Variants in NRCAM observed in about 807,000 individuals in gnomAD.
NRCAM encodes NgCAM-related cell adhesion molecule.
A neutral mutation model predicts 156.5 loss-of-function variants in NRCAM; 83 were observed. The observed-to-expected ratio is 0.53, with a 90% confidence interval of 0.44 to 0.64. NRCAM has a LOEUF of 0.64. NRCAM is among the 30% of genes least tolerant of loss of function. The pLI is 0.00. For missense variants in NRCAM, 1,417 were observed against 1,597.3 expected (o/e 0.89, Z 1.92); for synonymous variants, 538 against 563.9 (o/e 0.95, Z 0.65).
intron 2 of NRCAM, among the ~76,000 whole-genome samples, chr7:108,325,174 T>G (rs888133503): frequency 6.6e-6 from 1 of 152,098 alleles, no homozygotes; most frequent in Non-Finnish European, 1.5e-5. Context: ...CTTGGCAACT[T>G]CAGAACCAAT....
chr7:108,234,617 T>C lies in NRCAM; in HGVS notation c.196A>G (p.Ile66Val). ...GGTTTCCCTTTGGCTTCACACTGGATTACAATATTCTCCCGAGGGTCAATA... is the reference window on the plus strand; with the variant it reads ...GGTTTCCCTTTGGCTTCACACTGGACTACAATATTCTCCCGAGGGTCAATA... ...YIIDPRENIV[I>V]QCEAKGKPPP... Residue 66 changes from isoleucine to valine, a missense_variant, in exon 6 of 33, where the codon ATC becomes GTC. Physicochemically the swap from Ile to Val is conservative, Grantham distance 29. Transcript: ENST00000379028. 1 of 1,613,136 alleles carries C rather than the reference T, an allele frequency of 6.2e-7. No homozygotes were observed. Among genetic ancestry groups the C allele is most frequent in the Non-Finnish European group, 8.5e-7 (1 of 1,179,318 alleles).
chr7:108,435,122 G>T (rs10269351), intron 1 of NRCAM, among the ~76,000 whole-genome samples: 32,599 of 151,840 alleles, frequency 0.21, 3,920 homozygotes, highest in East Asian at 0.37. Context: ...TTATAAATAT[G>T]TTCCGAAACT....
intron 25 of NRCAM, 150 bp downstream of exon 25, chr7:108,180,073 G>C (rs1198215929): frequency 9.2e-6 from 6 of 653,912 alleles, no homozygotes; most frequent in Non-Finnish European, 1.6e-5. Context: ...CTGACATTTT[G>C]GTAGCTTTGT....
At chr7:108,168,637 T>C (rs1027693339) in intron 28 of NRCAM, among the ~76,000 whole-genome samples, 1 of 152,092 alleles carries the variant, frequency 6.6e-6, no homozygotes, top group Admixed American at 6.6e-5. Flanking sequence ...AATTTGTGAG[T>C]TCTATTATAT....
chr7:108,259,615 C>T (rs925167940), intron 3 of NRCAM, among the ~76,000 whole-genome samples: 16 of 152,018 alleles, frequency 1.1e-4, no homozygotes, highest in African/African-American at 3.1e-4. Context: ...AGTGATAGAT[C>T]GGATAAAGAA....
rs747947591 is a variant in NRCAM, at chr7:108,168,375, T to C, written c.3215A>G (p.Asn1072Ser). The change falls in exon 29 of 33, where the codon AAT (asparagine) becomes AGT (serine). Residue 1072 changes from asparagine to serine, a missense_variant. Asn to Ser is a conservative substitution (Grantham distance 46). This residue lies in a region of NRCAM where 1,238 missense variants were observed against 1,336.4 expected (regional missense o/e 0.93). Coordinates refer to ENST00000379028, the MANE Select transcript of NRCAM (RefSeq NM_001037132.4). ...GGTCTCAGCAGCTGCAGCAGTAAGA[T>C]TGCTGATCCTGGGATTTACTGCTTG... ...KVQAVNPRISNLTAAAAETYA... is the reference protein window; with the variant it reads ...KVQAVNPRISSLTAAAAETYA... 5.0e-6 allele frequency: 8 copies of C among 1,606,166 alleles called. No individual in the cohort carries two copies. Among genetic ancestry groups the C allele is most frequent in the African/African-American group, 1.3e-5 (1 of 74,658 alleles).
chr7:108,160,295 A>C, intron 31 of NRCAM, 66 bp downstream of exon 31: 1 of 1,453,488 alleles, frequency 6.9e-7, no homozygotes, highest in Middle Eastern at 1.8e-4. Context: ...GATTTCCCCC[A>C]TGATCTTTTT....
intron 11 of NRCAM, among the ~76,000 whole-genome samples, chr7:108,221,527 G>T (rs1048605807): frequency 6.6e-6 from 1 of 152,118 alleles, no homozygotes; most frequent in Non-Finnish European, 1.5e-5. Flanking sequence ...GCCATAAAAA[G>T]GAATGAATTA....
chr7:108,437,003 T>C (rs907460218), intron 1 of NRCAM, among the ~76,000 whole-genome samples: 1 of 152,198 alleles, frequency 6.6e-6, no homozygotes, highest in Admixed American at 6.5e-5. Context: ...TAGCCAAGAC[T>C]TGAAGGCAAC....
At chr7:108,348,211 T>A (rs1280546703) in intron 2 of NRCAM, among the ~76,000 whole-genome samples, 1 of 152,112 alleles carries the variant, frequency 6.6e-6, no homozygotes, top group Admixed American at 6.6e-5. Context: ...GATTTTCTTG[T>A]GGGTAGAGAT....
At chr7:108,332,278 C>G (rs761237898) in intron 2 of NRCAM, among the ~76,000 whole-genome samples, 1 of 152,182 alleles carries the variant, frequency 6.6e-6, no homozygotes, top group Non-Finnish European at 1.5e-5. Context: ...AGAAAGGCAT[C>G]ATGATGCTGA....
intron 3 of NRCAM, among the ~76,000 whole-genome samples, chr7:108,268,639 G>T (rs1330396169): frequency 4.1e-5 from 6 of 144,990 alleles, no homozygotes; most frequent in East Asian, 2.1e-4. Flanking sequence ...GGGGGGTTGG[G>T]GGGGGCGGCG....
chr7:108,336,723 T>TA (rs1419566269), intron 2 of NRCAM, among the ~76,000 whole-genome samples: 2 of 152,194 alleles, frequency 1.3e-5, no homozygotes, highest in African/African-American at 2.4e-5. Context: ...ACACACATTG[T>TA]AAAATTCATG....
chr7:108,240,008 C>T lies in NRCAM; in HGVS notation c.57G>A (p.Leu19=). Reference sequence around the variant, plus strand: ...TAATCATCTGGCACAGGAAGAGAATCAGGGGCACTCTGCCCGCAGATAAGC... The same window carrying T: ...TAATCATCTGGCACAGGAAGAGAATTAGGGGCACTCTGCCCGCAGATAAGC... ...KKRLSAGRVP[L]ILFLCQMISA... Residue 19 remains leucine, a synonymous_variant, in exon 4 of 33, where the codon CTG becomes CTA. Coordinates refer to ENST00000379028, the MANE Select transcript of NRCAM (RefSeq NM_001037132.4). 6.2e-7 allele frequency: 1 copy of T among 1,613,394 alleles called. No homozygotes were observed. The highest frequency in any genetic ancestry group is 2.2e-5 in the East Asian group (1 of 44,862).
At chr7:108,206,805 G>T (rs1297050517) in intron 13 of NRCAM, among the ~76,000 whole-genome samples, 2 of 152,216 alleles carry the variant, frequency 1.3e-5, no homozygotes, top group African/African-American at 4.8e-5. Context: ...GAAGCCACAC[G>T]CTGGGAAGCA....
intron 10 of NRCAM, among the ~76,000 whole-genome samples, chr7:108,224,523 T>C (rs545345159): frequency 6.6e-6 from 1 of 152,256 alleles, no homozygotes; most frequent in South Asian, 2.1e-4. Context: ...CCATCTTCTT[T>C]TTTATGGAGG....
At chr7:108,390,600 C>A (rs2099756578) in intron 2 of NRCAM, among the ~76,000 whole-genome samples, 1 of 151,996 alleles carries the variant, frequency 6.6e-6, no homozygotes, top group African/African-American at 2.4e-5. Flanking sequence ...TTAGTTATTT[C>A]TTGTCTTCTG....
intron 1 of NRCAM, among the ~76,000 whole-genome samples, chr7:108,421,408 T>C (rs1056210434): frequency 3.3e-5 from 5 of 152,176 alleles, no homozygotes; most frequent in African/African-American, 1.2e-4. Flanking sequence ...ATGTTGATAA[T>C]TATTCAATAA....
rs1598216809 is a variant in NRCAM, at chr7:108,441,516, T to C, written c.-332+14727A>G. ...ACATTCCCCTTAGAAGTTTGGGTCA[T>C]AACTGTAACTCTCACCATGCAGAAG... On this transcript the variant is annotated intron_variant, in intron 1 of 32. Transcript: ENST00000379028. Among the ~76,000 whole-genome samples, 5 of 152,352 alleles carry C rather than the reference T, an allele frequency of 3.3e-5. No individual in the cohort carries two copies. In the South Asian group the frequency reaches 1.0e-3, roughly 32 times the overall value.
Sources: allele counts gnomAD v4.1 joint callset (sites outside exome capture counted in the v4.1 genomes callset), GRCh38; gene constraint gnomAD v4.1.1; regional missense constraint gnomAD v4.1.1; transcripts MANE v1.5; gene names NCBI Gene and HGNC (gene_info 2026-07-23, HGNC 2026-07-21).